The following MGAT4A variants were observed in gnomAD, a reference collection of about 807,000 sequenced individuals.
MGAT4A encodes N-acetylglucosaminyltransferase IVa.
A neutral mutation model predicts 74.1 loss-of-function variants in MGAT4A; 33 were observed. The observed-to-expected ratio is 0.45, with a 90% CI of 0.34 to 0.60. MGAT4A has a LOEUF of 0.60. MGAT4A is among the 20% of genes least tolerant of loss of function. MGAT4A has a pLI of 0.02. For synonymous variants in MGAT4A, 198 were observed against 210.4 expected (o/e 0.94, Z 0.51); for missense variants, 479 against 628.3 (o/e 0.76, Z 2.54).
chr2:98,644,098 C>A (rs1412323170), intron 9 of MGAT4A, 45 bp from the exon 10 acceptor site: 5 of 1,507,370 alleles, frequency 3.3e-6, no homozygotes, highest in East Asian at 2.4e-5. Flanking sequence ...AGAAACCAAG[C>A]ACCAAAATGG....
Position 98,621,703 on chromosome 2 carries a change from A to G in MGAT4A, c.*3863T>C. 1 of 1,349,862 alleles carries G rather than the reference A, an allele frequency of 7.4e-7. No individual in the cohort carries two copies. The highest frequency in any genetic ancestry group is 1.5e-5 in the African/African-American group (1 of 66,858). The allele number at this position is 1,349,862 out of a possible 1,614,324, so 83.6% of individuals were successfully genotyped here. ...CCACAAATATACACTGTTATTCACTAGAATAATCTCTCCAAACGTGCTGTT... is the reference window on the plus strand; with the variant it reads ...CCACAAATATACACTGTTATTCACTGGAATAATCTCTCCAAACGTGCTGTT... On this transcript the variant is annotated 3_prime_UTR_variant, in exon 16 of 16. Transcript: ENST00000393487.
chr2:98,715,282 C>T (rs1485951869), intron 2 of MGAT4A, among the ~76,000 whole-genome samples: 4 of 132,404 alleles, frequency 3.0e-5, no homozygotes, highest in Non-Finnish European at 3.1e-5. Context: ...TGTGCCACTG[C>T]GTTCCAGCCT....
intron 14 of MGAT4A, among the ~76,000 whole-genome samples, chr2:98,634,262 G>A (rs1187783699): frequency 6.6e-6 from 1 of 152,138 alleles, no homozygotes. Flanking sequence ...GCACATACGG[G>A]GGGATCTGAA....
At chr2:98,680,890 ATC>A (rs1702049734) in intron 2 of MGAT4A, among the ~76,000 whole-genome samples, 1 of 152,274 alleles carries the variant, frequency 6.6e-6, no homozygotes, top group Non-Finnish European at 1.5e-5. Context: ...CAATAAAATT[ATC>A]TCTTATTCCT....
At position 98,621,531 on chromosome 2, in the gene MGAT4A, T is replaced by C. The variant is rs1398401112; in HGVS notation, c.*4035A>G. The C allele has an allele frequency of 7.1e-6, 11 of 1,551,448 alleles. No homozygotes were observed. Among genetic ancestry groups the C allele is most frequent in the Non-Finnish European group, 9.6e-6 (11 of 1,146,936 alleles). Reference sequence around the variant, plus strand: ...CTTTTAAAGGAGTCACAAGATTTGATTAGCCACCCCCAGACAGTCTTCCTT... The same window carrying C: ...CTTTTAAAGGAGTCACAAGATTTGACTAGCCACCCCCAGACAGTCTTCCTT... On this transcript the variant is annotated 3_prime_UTR_variant, in exon 16 of 16. Coordinates refer to ENST00000393487, the MANE Select transcript of MGAT4A (RefSeq NM_012214.3).
At chr2:98,645,931 G>A (rs1444474684) in intron 8 of MGAT4A, among the ~76,000 whole-genome samples, 3 of 152,070 alleles carry the variant, frequency 2.0e-5, no homozygotes, top group Non-Finnish European at 4.4e-5. Flanking sequence ...ACATTCTATG[G>A]GGTAGAAAGC....
intron 2 of MGAT4A, among the ~76,000 whole-genome samples, chr2:98,706,448 G>C (rs1485073684): frequency 6.6e-6 from 1 of 151,898 alleles, no homozygotes; most frequent in Non-Finnish European, 1.5e-5. Context: ...TGCTACCTCA[G>C]CATCCCAAGT....
chr2:98,641,371 A>C (rs1367241875), intron 10 of MGAT4A, among the ~76,000 whole-genome samples: 1 of 151,448 alleles, frequency 6.6e-6, no homozygotes, highest in East Asian at 1.9e-4. Context: ...AAATACAAAA[A>C]TTGGCCAGGC....
At chr2:98,671,781 TG>T (rs1270865192) in intron 4 of MGAT4A, among the ~76,000 whole-genome samples, 3 of 151,448 alleles carry the variant, frequency 2.0e-5, no homozygotes, top group Admixed American at 2.0e-4. Flanking sequence ...GATTAGCTAG[TG>T]GGCCCAATAT....
intron 2 of MGAT4A, among the ~76,000 whole-genome samples, chr2:98,688,531 A>G (rs905671201): frequency 6.6e-6 from 1 of 152,220 alleles, no homozygotes; most frequent in Non-Finnish European, 1.5e-5. Context: ...AGTGTATAGT[A>G]TAATATATGG....
intron 8 of MGAT4A, among the ~76,000 whole-genome samples, chr2:98,651,395 T>C (rs1287697063): frequency 6.6e-6 from 1 of 152,178 alleles, no homozygotes; most frequent in Non-Finnish European, 1.5e-5. Flanking sequence ...TTAATGTATA[T>C]GCAATATAAA....
intron 2 of MGAT4A, among the ~76,000 whole-genome samples, chr2:98,711,109 G>C (rs889926173): frequency 3.3e-5 from 5 of 152,018 alleles, no homozygotes; most frequent in African/African-American, 1.2e-4. Context: ...AACAAGAAAT[G>C]CTTAAGTTTG....
At chr2:98,629,098 CT>C (rs1160106686) in intron 14 of MGAT4A, among the ~76,000 whole-genome samples, 1 of 152,172 alleles carries the variant, frequency 6.6e-6, no homozygotes, top group African/African-American at 2.4e-5. Context: ...AAAAAGATGA[CT>C]TTTTAAAAAA....
chr2:98,667,196 A>G (rs1701845705), intron 4 of MGAT4A, among the ~76,000 whole-genome samples: 1 of 152,216 alleles, frequency 6.6e-6, no homozygotes, highest in Non-Finnish European at 1.5e-5. Flanking sequence ...TGTAAGTCCA[A>G]TTAAACCTCT....
chr2:98,625,771 A>G lies in MGAT4A; in HGVS notation c.1533T>C (p.Phe511=), dbSNP rs1200339544. 1.2e-6 allele frequency: 2 copies of G among 1,612,424 alleles called. No individual in the cohort carries two copies. The highest frequency in any genetic ancestry group is 1.7e-6 in the Non-Finnish European group (2 of 1,178,848). ...CAGAATTCTGAATAACTGAAAGTCG[A>G]AAGGCTGAAATGGGATTGAGACTTG... The part of the protein sequence containing the change: ...VDPSLNPISA[F]RLSVIQNSAV... Residue 511 remains phenylalanine, a synonymous_variant, in exon 15 of 16, where the codon TTT becomes TTC. Transcript: ENST00000393487.
Position 98,731,122 on chromosome 2 carries a change from CTGCGGG to C in MGAT4A, c.-316_-311del, listed in dbSNP as rs1559179732. 785 of 139,102 alleles carry C rather than the reference CTGCGGG, an allele frequency of 5.6e-3. 7 individuals carry two copies. The highest frequency in any genetic ancestry group is 0.019 in the African/African-American group (721 of 37,764). The allele number at this position is 139,102 out of a possible 1,614,324, so 8.6% of individuals were successfully genotyped here. A position where few individuals can be genotyped will look rare whatever the true frequency, so the allele number is the denominator to read the frequency against. ...GCCGCCGCCGCCGCTGCCGCCGCCG[CTGCGGG>C]CCGCCCCGCCCGCCCCGCCGGCTCC... is the stretch of plus-strand genomic sequence containing the variant. On this transcript the variant is annotated 5_prime_UTR_variant, in exon 1 of 16. Coordinates refer to ENST00000393487, the MANE Select transcript of MGAT4A (RefSeq NM_012214.3). The surrounding 1 kb of genome is among the most constrained non-coding windows in gnomAD (Gnocchi z 4.8).
At chr2:98,669,885 T>C (rs1246621935) in intron 4 of MGAT4A, among the ~76,000 whole-genome samples, 1 of 152,180 alleles carries the variant, frequency 6.6e-6, no homozygotes. Context: ...ATCCTTGAGA[T>C]TGTTCTCTTT....
At chr2:98,685,543 A>G (rs1702117204) in intron 2 of MGAT4A, among the ~76,000 whole-genome samples, 1 of 152,206 alleles carries the variant, frequency 6.6e-6, no homozygotes. Context: ...AAAAAAAAAT[A>G]AAAGAACTGG....
intron 2 of MGAT4A, among the ~76,000 whole-genome samples, chr2:98,719,249 A>C (rs1702632893): frequency 6.6e-6 from 1 of 152,248 alleles, no homozygotes; most frequent in South Asian, 2.1e-4. Context: ...AATACATTAT[A>C]GGTGGAAAAG....
Sources: gnomAD v4.1 joint callset for allele counts (sites outside exome capture counted in the v4.1 genomes callset) on GRCh38, gnomAD v4.1.1 for gene constraint, Gnocchi (gnomAD v3.1) non-coding constraint, MANE v1.5 for transcripts, NCBI Gene and HGNC (gene_info 2026-07-23, HGNC 2026-07-21) for gene names.